Variants in SYTL2 observed in about 807,000 individuals in gnomAD.
SYTL2 encodes synaptotagmin-like protein 2.
Under a neutral mutation model 198.7 loss-of-function variants are expected in SYTL2, and 165 were observed. That is an observed-to-expected ratio of 0.83 (90% CI 0.73 to 0.94). The LOEUF (loss-of-function observed/expected upper bound fraction) is 0.94, where lower values mean the gene tolerates loss of function less well. Ranked by LOEUF, SYTL2 falls within the 40% of genes least tolerant of loss-of-function variation. The pLI is 0.00. For synonymous variants in SYTL2, 966 were observed against 917.7 expected (o/e 1.05, Z -0.95); for missense variants, 2,835 against 2,582.8 (o/e 1.10, Z -2.12).
chr11:85,727,220 T>TG lies in SYTL2; in HGVS notation c.2137_2138insC (p.Asn713ThrfsTer3). On this transcript the variant is annotated frameshift_variant, in exon 8 of 20. Transcript: ENST00000359152. LOFTEE classifies it high-confidence loss of function. ...TTTGACAACTGTTGAAGAGTCAAAA[T>TG]TCACTTCTGAGTGTCCTCTATTTTC... is the stretch of plus-strand genomic sequence containing the variant. The TG allele has an allele frequency of 6.5e-7, 1 of 1,536,320 alleles. No individual in the cohort carries two copies. The highest frequency in any genetic ancestry group is 2.4e-5 in the East Asian group (1 of 40,916).
chr11:85,714,275 C>T, intron 12 of SYTL2, 138 bp downstream of exon 12: 1 of 649,216 alleles, frequency 1.5e-6, no homozygotes, highest in South Asian at 1.9e-5. Context: ...AACACTACTT[C>T]TATTGACTTG....
chr11:85,824,517 A>T, the SYTL2 span, among the ~76,000 whole-genome samples: 3 of 152,196 alleles, frequency 2.0e-5, no homozygotes, highest in Non-Finnish European at 4.4e-5. Context: ...AGTCACACTG[A>T]GTGTCTTGGG....
chr11:85,723,975 T>A (rs2088734840), intron 8 of SYTL2, 57 bp downstream of exon 8: 2 of 1,012,732 alleles, frequency 2.0e-6, no homozygotes, highest in South Asian at 3.2e-5. Flanking sequence ...AATCATCCTT[T>A]ACATCAGCAT....
the SYTL2 span, among the ~76,000 whole-genome samples, chr11:85,825,232 CAAA>C: frequency 6.6e-6 from 1 of 151,720 alleles, no homozygotes; most frequent in Non-Finnish European, 1.5e-5. Flanking sequence ...ACTAAAAATA[CAAA>C]AAATTAGCCG....
chr11:85,739,189 AT>A (rs2090591482), intron 4 of SYTL2, among the ~76,000 whole-genome samples: 1 of 151,922 alleles, frequency 6.6e-6, no homozygotes, highest in Admixed American at 6.6e-5. Flanking sequence ...GAATGGCTAA[AT>A]AAACGAAGGC....
intron 4 of SYTL2, among the ~76,000 whole-genome samples, chr11:85,741,773 T>C (rs1159964380): frequency 6.6e-6 from 1 of 152,082 alleles, no homozygotes; most frequent in Non-Finnish European, 1.5e-5. Context: ...AAAAAGAGCA[T>C]TGTGGGGGAA....
Position 85,725,816 on chromosome 11 carries a change from T to C in SYTL2, c.3542A>G (p.Glu1181Gly), listed in dbSNP as rs1188839056. The change falls in exon 8 of 20, where the codon GAG becomes GGG. Residue 1181 changes from glutamate to glycine, a missense_variant. Transcript: ENST00000359152. Reference protein sequence around the residue: ...WPQKTDFADTEEEVKGPEKII... With the variant: ...WPQKTDFADTGEEVKGPEKII... The stretch of plus-strand genomic sequence containing the variant: ...CTTCTCAGGTCCTTTGACTTCTTCC[T>C]CAGTATCAGCAAAATCTGTTTTTTG... The C allele has an allele frequency of 1.2e-6, 2 of 1,613,994 alleles. No individual in the cohort carries two copies. Among genetic ancestry groups the C allele is most frequent in the Non-Finnish European group, 1.7e-6 (2 of 1,179,972 alleles).
At chr11:85,823,749 AC>A in the SYTL2 span, among the ~76,000 whole-genome samples, 1 of 152,250 alleles carries the variant, frequency 6.6e-6, no homozygotes, top group Middle Eastern at 3.2e-3. Flanking sequence ...TGAGTGGAAT[AC>A]CAAAAAGAAA....
intron 1 of SYTL2, among the ~76,000 whole-genome samples, chr11:85,808,593 T>C (rs2092991327): frequency 6.6e-6 from 1 of 152,196 alleles, no homozygotes; most frequent in Admixed American, 6.5e-5. Flanking sequence ...TTGGTCCTAC[T>C]TCTCCATCTG....
the SYTL2 span, among the ~76,000 whole-genome samples, chr11:85,818,063 C>A: frequency 6.6e-6 from 1 of 151,860 alleles, no homozygotes; most frequent in Non-Finnish European, 1.5e-5. Flanking sequence ...CCACCATGCC[C>A]AGCTAATTTT....
chr11:85,754,358 T>C (rs1396975732), intron 2 of SYTL2, among the ~76,000 whole-genome samples: 1 of 152,196 alleles, frequency 6.6e-6, no homozygotes, highest in Non-Finnish European at 1.5e-5. Context: ...CATTAAATAA[T>C]TAAGAGTTTT....
chr11:85,725,655 C>T lies in SYTL2; in HGVS notation c.3703G>A (p.Val1235Ile), dbSNP rs1280384446. The T allele has an allele frequency of 3.7e-6, 6 of 1,613,940 alleles. No individual in the cohort carries two copies. Among genetic ancestry groups the T allele is most frequent in the East Asian group, 2.2e-5 (1 of 44,896 alleles). ...PSPLQAKLAP[V>I]ITGTNSKLEE... ...AGCTTAGAGTTGGTTCCAGTGATAA[C>T]AGGCGCCAACTTGGCTTGCAAGGGA... Residue 1235 changes from valine (V) to isoleucine (I), a missense_variant, in exon 8 of 20, where the codon GTT becomes ATT. By Grantham distance (29) the Val-to-Ile change is conservative. Transcript: ENST00000359152.
the SYTL2 span, among the ~76,000 whole-genome samples, chr11:85,848,970 A>G: frequency 6.6e-6 from 1 of 152,218 alleles, no homozygotes; most frequent in Non-Finnish European, 1.5e-5. Context: ...GAGACAAAGA[A>G]AAAAAAGTGA....
chr11:85,702,212 C>T (rs1238674908), intron 16 of SYTL2, among the ~76,000 whole-genome samples: 3 of 139,388 alleles, frequency 2.2e-5, no homozygotes, highest in African/African-American at 8.0e-5. Context: ...TTTTTTGAGA[C>T]AGGGTCTCGC....
chr11:85,777,695 T>C (rs550395580), intron 1 of SYTL2, among the ~76,000 whole-genome samples: 2 of 120,998 alleles, frequency 1.7e-5, no homozygotes, highest in African/African-American at 6.4e-5. Context: ...AAAACAGGAA[T>C]TGGGACTCTG....
chr11:85,808,126 G>A (rs993640724), intron 1 of SYTL2, among the ~76,000 whole-genome samples: 1 of 152,056 alleles, frequency 6.6e-6, no homozygotes, highest in Non-Finnish European at 1.5e-5. Context: ...GAGTACAGTG[G>A]CATGATCTCA....
At chr11:85,741,343 ATTTC>A (rs966814433) in intron 4 of SYTL2, among the ~76,000 whole-genome samples, 9 of 152,178 alleles carry the variant, frequency 5.9e-5, no homozygotes, top group Non-Finnish European at 1.3e-4. Context: ...TCAAGTCAGT[ATTTC>A]TTTAAGTAAA....
chr11:85,811,535 G>A (rs957152353), upstream of SYTL2, among the ~76,000 whole-genome samples: 8 of 152,298 alleles, frequency 5.3e-5, no homozygotes, highest in Admixed American at 5.2e-4. Context: ...CAGCCACCGC[G>A]CAGGGAAAGG....
chr11:85,702,477 A>T (rs1192469599), intron 16 of SYTL2, among the ~76,000 whole-genome samples: 2 of 152,170 alleles, frequency 1.3e-5, no homozygotes, highest in Admixed American at 6.6e-5. Context: ...GAGCCACCGC[A>T]CCCAGCCCCA....
Sources: gnomAD v4.1 joint callset for allele counts (sites outside exome capture counted in the v4.1 genomes callset) on GRCh38, gnomAD v4.1.1 for gene constraint, MANE v1.5 for transcripts, NCBI Gene and HGNC (gene_info 2026-07-23, HGNC 2026-07-21) for gene names.